Variants in NAA15 observed in about 807,000 individuals in gnomAD.
NAA15 encodes the protein N-terminal acetyltransferase.
Under a neutral mutation model 114.0 loss-of-function variants are expected in NAA15, and 34 were observed. The ratio of observed to expected loss-of-function variants is 0.30; its 90% CI spans 0.23 to 0.40. The LOEUF (loss-of-function observed/expected upper bound fraction) is 0.40, where lower values mean the gene tolerates loss of function less well. Among genes scored for constraint, NAA15 ranks in the 10% least tolerant of loss-of-function variants. NAA15 has a pLI of 1.00. For missense variants in NAA15, 658 were observed against 1,004.5 expected (o/e 0.66, Z 4.66); for synonymous variants, 340 against 338.0 (o/e 1.01, Z -0.06).
At chr4:139,332,195 A>G (rs545661002) in intron 1 of NAA15, among the ~76,000 whole-genome samples, 9 of 152,140 alleles carry the variant, frequency 5.9e-5, no homozygotes, top group South Asian at 4.1e-4. Flanking sequence ...CAGTAGCGCA[A>G]TCTCGGCTCA....
At chr4:139,334,133 A>T (rs769389104) in intron 1 of NAA15, 41 bp from the exon 2 acceptor site, 1 of 1,275,260 alleles carries the variant, frequency 7.8e-7, no homozygotes, top group Non-Finnish European at 1.1e-6. Flanking sequence ...AGTTGTTTGT[A>T]TTCCTTGCTA....
chr4:139,371,496 A>AAC (rs1560978427), intron 15 of NAA15, among the ~76,000 whole-genome samples: 1 of 41,778 alleles, frequency 2.4e-5, no homozygotes, highest in South Asian at 1.4e-3. Context: ...AAAGAAAAGT[A>AAC]GCACACACAC....
chr4:139,344,215 T>C lies in NAA15; in HGVS notation c.567T>C (p.Tyr189=). The C allele has an allele frequency of 1.2e-6, 2 of 1,611,836 alleles. No homozygotes were observed. The highest frequency in any genetic ancestry group is 1.7e-6 in the Non-Finnish European group (2 of 1,178,778). Residue 189 remains tyrosine (Y), a synonymous_variant, in exon 6 of 20, where the codon TAT becomes TAC. Coordinates refer to ENST00000296543, the MANE Select transcript of NAA15 (RefSeq NM_057175.5). ...CCCCTGACAAGGTGGATTATGAATA[T>C]AGTGAACTACTCTTATATCAGAATC... ...QTSPDKVDYE[Y]SELLLYQNQV... is the part of the protein sequence containing the mutation.
intron 14 of NAA15, among the ~76,000 whole-genome samples, chr4:139,368,129 C>G (rs1748335360): frequency 6.6e-6 from 1 of 152,222 alleles, no homozygotes; most frequent in African/African-American, 2.4e-5. Flanking sequence ...GTACCAAAAT[C>G]TATGTTGTTT....
intron 1 of NAA15, among the ~76,000 whole-genome samples, chr4:139,315,006 T>TTTAGGTTAGTTTAGGTTAGG (rs1746345407): frequency 2.0e-5 from 2 of 101,556 alleles, no homozygotes; most frequent in South Asian, 3.1e-4. Flanking sequence ...TTCAGTTTAG[T>TTTAGGTTAGTTTAGGTTAGG]TTAGGTTAGG....
chr4:139,322,582 T>G (rs147052743), intron 1 of NAA15, among the ~76,000 whole-genome samples: 1,595 of 152,360 alleles, frequency 0.01, 17 homozygotes, highest in Non-Finnish European at 0.018. Flanking sequence ...CAGCCATGCA[T>G]GAGCACCAGT....
chr4:139,301,913 C>A, intron 1 of NAA15, 82 bp downstream of exon 1: 1 of 1,435,006 alleles, frequency 7.0e-7, no homozygotes, highest in Non-Finnish European at 9.5e-7. Flanking sequence ...GCCCGGCGGG[C>A]ACTGAGCCAC....
Position 139,351,587 on chromosome 4 carries a change from A to C in NAA15, c.990A>C (p.Arg330Ser). 6.4e-7 allele frequency: 1 copy of C among 1,574,064 alleles called. No homozygotes were observed. The highest frequency in any genetic ancestry group is 8.7e-7 in the Non-Finnish European group (1 of 1,144,132). ...KGCPPVFNTL[R>S]SLYKDKEKVA... The stretch of plus-strand genomic sequence containing the variant: ...GCCCACCAGTCTTCAATACTTTAAG[A>C]TCATTATACAAAGACAAAGAAAAGG... Residue 330 changes from arginine (R) to serine (S), a missense_variant, in exon 9 of 20, where the codon AGA becomes AGC. By Grantham distance (110) the Arg-to-Ser change is moderately radical. Around this residue, in one of 6 missense-constraint regions of NAA15, gnomAD observed 281 missense variants for 389.1 expected, o/e 0.72. Coordinates refer to ENST00000296543, the MANE Select transcript of NAA15 (RefSeq NM_057175.5).
chr4:139,337,752 A>G (rs1306081919), intron 3 of NAA15, among the ~76,000 whole-genome samples: 2 of 152,226 alleles, frequency 1.3e-5, no homozygotes, highest in African/African-American at 4.8e-5. Context: ...TTGGCTTAGT[A>G]CAGACAAAGA....
chr4:139,323,884 C>T (rs550270776), intron 1 of NAA15, among the ~76,000 whole-genome samples: 1 of 152,084 alleles, frequency 6.6e-6, no homozygotes, highest in East Asian at 1.9e-4. Context: ...TTAGCACATG[C>T]GACTTTATTA....
At chr4:139,365,900 T>A (rs1489303756) in intron 14 of NAA15, among the ~76,000 whole-genome samples, 1 of 152,202 alleles carries the variant, frequency 6.6e-6, no homozygotes, top group African/African-American at 2.4e-5. Context: ...ATATCTATCA[T>A]GTAGCAAGGC....
chr4:139,329,737 T>C (rs891741134), intron 1 of NAA15, among the ~76,000 whole-genome samples: 1 of 152,228 alleles, frequency 6.6e-6, no homozygotes, highest in African/African-American at 2.4e-5. Context: ...ATGCAAAACT[T>C]AGTACTCAAC....
intron 12 of NAA15, 64 bp downstream of exon 12, chr4:139,359,959 A>C (rs1313381247): frequency 1.2e-5 from 17 of 1,421,616 alleles, no homozygotes; most frequent in Non-Finnish European, 1.5e-5. Flanking sequence ...TACTTGTATA[A>C]CATGCTTATT....
intron 1 of NAA15, among the ~76,000 whole-genome samples, chr4:139,323,157 A>G (rs1746682422): frequency 6.6e-6 from 1 of 150,828 alleles, no homozygotes; most frequent in Non-Finnish European, 1.5e-5. Flanking sequence ...CCTGGGTTCA[A>G]GCGATTCTCC....
chr4:139,378,736 C>T lies in NAA15; in HGVS notation c.2057-20C>T. ...CTCTTATCCAATGATCAAAATATAT[C>T]TTACTTTCTCTTTTTATAGAAAAGT... On this transcript the variant is annotated intron_variant, in intron 16 of 19. Transcript: ENST00000296543. The T allele has an allele frequency of 1.4e-6, 2 of 1,475,638 alleles. No homozygotes were observed. Among genetic ancestry groups the T allele is most frequent in the Non-Finnish European group, 1.8e-6 (2 of 1,089,844 alleles). 91.4% of individuals were successfully genotyped at this position (1,475,638 alleles called of 1,614,324 possible).
rs574783907 is a variant in NAA15 at position 139,383,628 on chromosome 4, G to T, written c.2156-1204G>T. Among the ~76,000 whole-genome samples, 216 of 152,240 alleles carry T rather than the reference G, an allele frequency of 1.4e-3. 1 individual carries two copies. In the Middle Eastern group the frequency reaches 0.024, roughly 17 times the overall value. On this transcript the variant is annotated intron_variant, in intron 17 of 19. Coordinates refer to ENST00000296543, the MANE Select transcript of NAA15 (RefSeq NM_057175.5). Reference sequence around the variant, plus strand: ...TGGGACCACAGGCACACACCACCATGCCAGGCTAATTTTTTTATTTTTAGC... The same window carrying T: ...TGGGACCACAGGCACACACCACCATTCCAGGCTAATTTTTTTATTTTTAGC...
intron 1 of NAA15, among the ~76,000 whole-genome samples, chr4:139,310,699 G>A (rs1746194558): frequency 6.6e-6 from 1 of 151,512 alleles, no homozygotes; most frequent in Non-Finnish European, 1.5e-5. Context: ...GTTTACTTCA[G>A]CCTCTGCCTC....
intron 1 of NAA15, among the ~76,000 whole-genome samples, chr4:139,313,444 C>T (rs1746284755): frequency 6.6e-6 from 1 of 151,554 alleles, no homozygotes; most frequent in South Asian, 2.1e-4. Context: ...TTATGCTAGA[C>T]TTTTTACATG....
At chr4:139,379,858 A>T (rs1013262375) in intron 17 of NAA15, among the ~76,000 whole-genome samples, 4 of 152,162 alleles carry the variant, frequency 2.6e-5, no homozygotes, top group Non-Finnish European at 5.9e-5. Flanking sequence ...AGCCTGGCTA[A>T]CATAGCGAAC....
Sources: gnomAD v4.1 joint callset for allele counts (sites outside exome capture counted in the v4.1 genomes callset) on GRCh38, gnomAD v4.1.1 for gene constraint, gnomAD v4.1.1 regional missense constraint, MANE v1.5 for transcripts, NCBI Gene and HGNC (gene_info 2026-07-23, HGNC 2026-07-21) for gene names.